CSMD1: variants seen among roughly 807,000 people sequenced by gnomAD.
The protein encoded by CSMD1 is CUB and Sushi multiple domains 1.
CSMD1 carries 213 observed loss-of-function variants against 417.5 expected under a neutral mutation model. The observed-to-expected ratio is 0.51, with a 90% CI of 0.46 to 0.57. CSMD1 has a LOEUF of 0.57. Among genes scored for constraint, CSMD1 ranks in the 20% least tolerant of loss-of-function variants. CSMD1 has a pLI of 0.00. For missense variants in CSMD1, 6,923 were observed against 4,529.7 expected, an observed-to-expected ratio of 1.53 and a Z score of -15.17; for synonymous variants, 2,862 against 1,736.8, an observed-to-expected ratio of 1.65 and a Z score of -16.11.
chr8:4,294,678 A>C (rs1797565305), intron 3 of CSMD1, among the ~76,000 whole-genome samples: 3 of 152,170 alleles, frequency 2.0e-5, no homozygotes, highest in Admixed American at 6.6e-5. Flanking sequence ...CATTTTAAAA[A>C]TATTCTAAGA....
At chr8:4,648,730 A>G (rs1456928540) in intron 1 of CSMD1, among the ~76,000 whole-genome samples, 1 of 152,150 alleles carries the variant, frequency 6.6e-6, no homozygotes, top group Non-Finnish European at 1.5e-5. Flanking sequence ...TTGTGAATTT[A>G]GGAAGAGAAT....
intron 12 of CSMD1, among the ~76,000 whole-genome samples, chr8:3,460,362 T>G (rs546988478): frequency 6.6e-6 from 1 of 152,234 alleles, no homozygotes; most frequent in Admixed American, 6.5e-5. Flanking sequence ...TGAGTGGTGG[T>G]GAGAGATGAA....
chr8:4,907,794 G>A (rs1206376956), intron 1 of CSMD1, among the ~76,000 whole-genome samples: 3 of 151,384 alleles, frequency 2.0e-5, no homozygotes, highest in Admixed American at 6.6e-5. Flanking sequence ...CGAAACCCCT[G>A]GGCTCAAGCA....
chr8:3,447,193 A>G (rs1302102430), intron 12 of CSMD1, among the ~76,000 whole-genome samples: 1 of 152,240 alleles, frequency 6.6e-6, no homozygotes, highest in Non-Finnish European at 1.5e-5. Context: ...TATGGCAAAG[A>G]AAAATGATGA....
chr8:3,532,459 C>G (rs927336116), intron 10 of CSMD1, among the ~76,000 whole-genome samples: 1 of 152,162 alleles, frequency 6.6e-6, no homozygotes, highest in Admixed American at 6.5e-5. Context: ...ACAGCTGTGT[C>G]TGACATTTCC....
At chr8:3,812,726 C>G (rs947138462) in intron 5 of CSMD1, among the ~76,000 whole-genome samples, 1 of 152,194 alleles carries the variant, frequency 6.6e-6, no homozygotes, top group African/African-American at 2.4e-5. Flanking sequence ...GTAGACTCCA[C>G]AAACACCACA....
At chr8:3,547,351 T>C (rs983689377) in intron 10 of CSMD1, among the ~76,000 whole-genome samples, 2 of 152,204 alleles carry the variant, frequency 1.3e-5, no homozygotes, top group East Asian at 1.9e-4. Context: ...ATTTGTACGG[T>C]CGAAAAATAT....
At chr8:4,005,150 T>C (rs182107087) in intron 4 of CSMD1, among the ~76,000 whole-genome samples, 1 of 150,890 alleles carries the variant, frequency 6.6e-6, no homozygotes, top group African/African-American at 2.4e-5. Context: ...AGAGTGGGAG[T>C]GGGGAAAGGG....
chr8:3,886,318 G>C (rs902362800), intron 5 of CSMD1, among the ~76,000 whole-genome samples: 3 of 152,276 alleles, frequency 2.0e-5, no homozygotes, highest in African/African-American at 4.8e-5. Flanking sequence ...CAAAGTGCTG[G>C]GATTACAGGC....
At chr8:4,248,162 G>T (rs1353411773) in intron 3 of CSMD1, among the ~76,000 whole-genome samples, 1 of 151,930 alleles carries the variant, frequency 6.6e-6, no homozygotes. Context: ...GAAAAAAATT[G>T]CTTTGAAACT....
chr8:4,300,106 A>G (rs1459474231), intron 3 of CSMD1, among the ~76,000 whole-genome samples: 3 of 152,190 alleles, frequency 2.0e-5, no homozygotes, highest in Admixed American at 2.0e-4. Context: ...CCATTTGCTA[A>G]TTAGGTAACA....
At chr8:4,334,412 A>T (rs1481337702) in intron 3 of CSMD1, among the ~76,000 whole-genome samples, 1 of 152,130 alleles carries the variant, frequency 6.6e-6, no homozygotes, top group Non-Finnish European at 1.5e-5. Context: ...TTAAGAGCAA[A>T]TACTGAGGTT....
At chr8:4,257,381 T>A (rs1195339505) in intron 3 of CSMD1, among the ~76,000 whole-genome samples, 2 of 152,094 alleles carry the variant, frequency 1.3e-5, no homozygotes, top group African/African-American at 2.4e-5. Context: ...AATTATATAT[T>A]ACCATTTTTC....
chr8:4,303,805 T>C (rs1910718), intron 3 of CSMD1, among the ~76,000 whole-genome samples: 1 of 151,762 alleles, frequency 6.6e-6, no homozygotes, highest in South Asian at 2.1e-4. Flanking sequence ...ACAGGCACAC[T>C]CCACTCTCCC....
rs531439414 is a variant in CSMD1 at position 4,706,238 on chromosome 8, G to C, written c.86-68680C>G. Among the ~76,000 whole-genome samples, 8 of 151,622 alleles carry C rather than the reference G, an allele frequency of 5.3e-5. No individual in the cohort carries two copies. The South Asian group carries it at 1.5e-3, about 28-fold the overall frequency. ...TCTGGCAATTGCTAATTGTTTGAAA[G>C]TCCCACAACATATCTGACCTAAAAT... On this transcript the variant is annotated intron_variant, in intron 1 of 69. Coordinates refer to ENST00000635120, the MANE Select transcript of CSMD1 (RefSeq NM_033225.6).
At chr8:3,373,669 C>A (rs1332723129) in intron 18 of CSMD1, 1 of 152,152 alleles carries the variant, frequency 6.6e-6, no homozygotes, top group Admixed American at 6.5e-5. Flanking sequence ...AATATAGCTG[C>A]TCATAATTTG....
At chr8:4,102,788 T>G (rs1340278480) in intron 3 of CSMD1, among the ~76,000 whole-genome samples, 2 of 152,194 alleles carry the variant, frequency 1.3e-5, no homozygotes, top group African/African-American at 4.8e-5. Context: ...AGGAAGATGA[T>G]TTTTCTCCTT....
intron 3 of CSMD1, among the ~76,000 whole-genome samples, chr8:4,396,566 G>A (rs953746411): frequency 4.0e-5 from 6 of 151,854 alleles, no homozygotes; most frequent in African/African-American, 1.2e-4. Context: ...ATTCGCAACT[G>A]CAACCAGCCT....
intron 10 of CSMD1, among the ~76,000 whole-genome samples, chr8:3,535,307 G>C (rs528023968): frequency 6.6e-6 from 1 of 152,058 alleles, no homozygotes; most frequent in East Asian, 1.9e-4. Context: ...GCTTTTGGCC[G>C]TACTTTCTAT....
Sources: allele counts gnomAD v4.1 joint callset (sites outside exome capture counted in the v4.1 genomes callset), GRCh38; gene constraint gnomAD v4.1.1; transcripts MANE v1.5; gene names NCBI Gene and HGNC (gene_info 2026-07-23, HGNC 2026-07-21).